ZNF280B: variants seen among roughly 807,000 people sequenced by gnomAD.
The protein encoded by ZNF280B is zinc finger protein 280B.
Under a neutral mutation model 38.0 loss-of-function variants are expected in ZNF280B, and 16 were observed. The ratio of observed to expected loss-of-function variants is 0.42; its 90% CI spans 0.28 to 0.64. The LOEUF (loss-of-function observed/expected upper bound fraction) is 0.64, where lower values mean the gene tolerates loss of function less well. Among genes scored for constraint, ZNF280B ranks in the 30% least tolerant of loss-of-function variants. The pLI, the probability that ZNF280B is intolerant of heterozygous loss-of-function variation, is 0.21. For missense variants in ZNF280B, 581 were observed against 639.6 expected (o/e 0.91, Z 0.99); for synonymous variants, 253 against 230.6 (o/e 1.10, Z -0.88).
chr22:22,496,592 G>C (rs980725919), intron 2 of ZNF280B, among the ~76,000 whole-genome samples: 6 of 151,840 alleles, frequency 4.0e-5, no homozygotes. Flanking sequence ...TCTGTTTAAT[G>C]GGCATTCAAT....
chr22:22,500,574 G>A (rs1448230627), intron 2 of ZNF280B, among the ~76,000 whole-genome samples: 1 of 151,888 alleles, frequency 6.6e-6, no homozygotes, highest in Non-Finnish European at 1.5e-5. Context: ...AGAAAGTAGA[G>A]GCCGGAAGCA....
At chr22:22,501,032 A>AC (rs2061810154) in intron 2 of ZNF280B, among the ~76,000 whole-genome samples, 9 of 150,558 alleles carry the variant, frequency 6.0e-5, no homozygotes, top group South Asian at 2.1e-4. Flanking sequence ...AAAAAAAAAA[A>AC]AAAAAAAAAC....
intron 2 of ZNF280B, among the ~76,000 whole-genome samples, chr22:22,507,451 C>T (rs1323255011): frequency 6.6e-6 from 1 of 151,930 alleles, no homozygotes; most frequent in African/African-American, 2.4e-5. Flanking sequence ...TTCAGATGAC[C>T]TCCCCTGTCC....
intron 2 of ZNF280B, among the ~76,000 whole-genome samples, chr22:22,499,929 C>CA (rs1160546934): frequency 6.6e-6 from 1 of 151,830 alleles, no homozygotes; most frequent in Non-Finnish European, 1.5e-5. Context: ...ACAAATAACT[C>CA]AATTTTTTAA....
chr22:22,505,080 A>C (rs4820450), intron 2 of ZNF280B, among the ~76,000 whole-genome samples: 2 of 151,816 alleles, frequency 1.3e-5, no homozygotes, highest in African/African-American at 4.8e-5. Flanking sequence ...GAATATGGCT[A>C]TCTGGGGAAG....
intron 2 of ZNF280B, among the ~76,000 whole-genome samples, chr22:22,498,313 A>G (rs1391775992): frequency 6.6e-6 from 1 of 151,972 alleles, no homozygotes; most frequent in Non-Finnish European, 1.5e-5. Flanking sequence ...AATGCACTAA[A>G]TATCACTAAA....
At chr22:22,495,435 A>G (rs1277741444) in intron 2 of ZNF280B, among the ~76,000 whole-genome samples, 1 of 152,002 alleles carries the variant, frequency 6.6e-6, no homozygotes, top group Non-Finnish European at 1.5e-5. Flanking sequence ...GGAACTAACA[A>G]ACAGTCCAGT....
intron 2 of ZNF280B, among the ~76,000 whole-genome samples, chr22:22,496,613 CA>C (rs1412776318): frequency 6.6e-6 from 1 of 151,480 alleles, no homozygotes; most frequent in Non-Finnish European, 1.5e-5. Context: ...TCTAAGATAG[CA>C]AACGTGTAGA....
chr22:22,508,165 G>A (rs2061977369), intron 1 of ZNF280B, among the ~76,000 whole-genome samples: 1 of 151,906 alleles, frequency 6.6e-6, no homozygotes, highest in Admixed American at 6.6e-5. Flanking sequence ...CGACAGCGAC[G>A]CAGTAAATGA....
chr22:22,508,372 C>T (rs757679142), intron 1 of ZNF280B, among the ~76,000 whole-genome samples: 14 of 151,916 alleles, frequency 9.2e-5, no homozygotes, highest in Admixed American at 2.0e-4. Context: ...AAGGCCCCTT[C>T]TCCAGGAGGC....
rs766044635 is a variant in ZNF280B at position 22,488,367 on chromosome 22, G to A, written c.1032C>T (p.Thr344=). The A allele has an allele frequency of 8.7e-6, 14 of 1,613,872 alleles. No homozygotes were observed. The highest frequency in any genetic ancestry group is 3.3e-5 in the Admixed American group (2 of 59,984). The change falls in exon 4 of 4, where the codon ACC becomes ACT. Residue 344 remains threonine, a synonymous_variant. Coordinates refer to ENST00000626650, the MANE Select transcript of ZNF280B (RefSeq NM_080764.4). The part of the protein sequence containing the change: ...QRNDSWENHT[T]CQHCHRQFPT... ...GAAACTGCCGGTGGCAGTGCTGGCA[G>A]GTGGTGTGGTTTTCCCAGCTGTCGT...
At chr22:22,491,508 G>C (rs1188770018) in intron 3 of ZNF280B, among the ~76,000 whole-genome samples, 1 of 144,756 alleles carries the variant, frequency 6.9e-6, no homozygotes, top group African/African-American at 2.6e-5. Context: ...GCCCAGGCTG[G>C]AGTACAGTGG....
chr22:22,497,894 C>T (rs1372056353), intron 2 of ZNF280B, among the ~76,000 whole-genome samples: 2 of 151,850 alleles, frequency 1.3e-5, no homozygotes, highest in African/African-American at 4.8e-5. Flanking sequence ...TAAAGGTACT[C>T]AAGTACATGT....
rs571017252 is a variant in ZNF280B, at chr22:22,506,782, A to G, written c.-187+1028T>C. ...TGTAGAGGTTCTGGCCTTAGCAAGA[A>G]GTCAAATTATTCACCCAGAGTAACA... On this transcript the variant is annotated intron_variant, in intron 2 of 3. Transcript: ENST00000626650. Among the ~76,000 whole-genome samples, 8 of 152,094 alleles carry G rather than the reference A, an allele frequency of 5.3e-5. No individual in the cohort carries two copies. The East Asian group carries it at 1.6e-3, about 30-fold the overall frequency.
At chr22:22,492,705 T>C (rs904535681) in intron 3 of ZNF280B, among the ~76,000 whole-genome samples, 9 of 151,756 alleles carry the variant, frequency 5.9e-5, no homozygotes, top group Non-Finnish European at 1.3e-4. Context: ...GCCAACATAG[T>C]GAAACCCTGT....
chr22:22,496,008 G>A (rs1279412998), intron 2 of ZNF280B, among the ~76,000 whole-genome samples: 9 of 150,294 alleles, frequency 6.0e-5, no homozygotes, highest in Non-Finnish European at 1.3e-4. Context: ...GTTTCACCAT[G>A]TTGGCCAGGC....
chr22:22,498,470 G>A (rs968386052), intron 2 of ZNF280B, among the ~76,000 whole-genome samples: 2 of 151,856 alleles, frequency 1.3e-5, no homozygotes, highest in East Asian at 3.9e-4. Flanking sequence ...CAACAAATTA[G>A]ATAACCTAGA....
intron 3 of ZNF280B, among the ~76,000 whole-genome samples, chr22:22,490,614 T>C (rs2061574148): frequency 6.6e-6 from 1 of 151,836 alleles, no homozygotes; most frequent in South Asian, 2.1e-4. Flanking sequence ...ACTACAGGCA[T>C]GCACCACCAC....
intron 3 of ZNF280B, among the ~76,000 whole-genome samples, chr22:22,489,965 G>C (rs2061560672): frequency 6.6e-6 from 1 of 151,804 alleles, no homozygotes; most frequent in South Asian, 2.1e-4. Context: ...ATTTGTAGTG[G>C]AATTGGAAGA....
Sources: gnomAD v4.1 joint callset for allele counts (sites outside exome capture counted in the v4.1 genomes callset) on GRCh38, gnomAD v4.1.1 for gene constraint, MANE v1.5 for transcripts, NCBI Gene and HGNC (gene_info 2026-07-23, HGNC 2026-07-21) for gene names.